The following HS3ST4 variants were observed in gnomAD, a reference collection of about 807,000 sequenced individuals.
The protein encoded by HS3ST4 is heparan sulfate-glucosamine 3-sulfotransferase 4, also known as heparan sulfate glucosamine 3-O-sulfotransferase 4.
Under a neutral mutation model 29.2 loss-of-function variants are expected in HS3ST4, and 17 were observed. The observed-to-expected ratio is 0.58, with a 90% confidence interval of 0.40 to 0.87. HS3ST4 has a LOEUF of 0.87. Among genes scored for constraint, HS3ST4 ranks in the 40% least tolerant of loss-of-function variants. HS3ST4 has a pLI of 0.00. For synonymous variants in HS3ST4, 314 were observed against 285.7 expected (o/e 1.10, Z -1.00); for missense variants, 627 against 634.5 (o/e 0.99, Z 0.13).
chr16:25,857,948 C>CTTTATTTA (rs774843830), intron 1 of HS3ST4, among the ~76,000 whole-genome samples: 3 of 57,104 alleles, frequency 5.3e-5, no homozygotes, highest in Non-Finnish European at 1.0e-4. Context: ...TTCTTTCTTT[C>CTTTATTTA]TTTCTTTCTT....
chr16:25,876,178 T>C (rs1967831044), intron 1 of HS3ST4, among the ~76,000 whole-genome samples: 1 of 152,164 alleles, frequency 6.6e-6, no homozygotes, highest in Admixed American at 6.5e-5. Flanking sequence ...CAACCTGATC[T>C]TTTTGTCTCT....
intron 1 of HS3ST4, among the ~76,000 whole-genome samples, chr16:25,990,993 C>T (rs1969108754): frequency 6.6e-6 from 1 of 152,170 alleles, no homozygotes; most frequent in African/African-American, 2.4e-5. Context: ...CAGTCCTCAA[C>T]AGAGCCCTGA....
At chr16:26,029,351 G>A (rs1187357803) in intron 1 of HS3ST4, among the ~76,000 whole-genome samples, 1 of 151,938 alleles carries the variant, frequency 6.6e-6, no homozygotes, top group Non-Finnish European at 1.5e-5. Flanking sequence ...GTCCGCTATT[G>A]CCATCTTAAA....
intron 1 of HS3ST4, among the ~76,000 whole-genome samples, chr16:26,059,760 T>C (rs1470279607): frequency 1.3e-5 from 2 of 152,100 alleles, no homozygotes; most frequent in Non-Finnish European, 2.9e-5. Context: ...AGTATTATTA[T>C]TACTATTATT....
At chr16:26,128,858 A>C (rs1899380096) in intron 1 of HS3ST4, among the ~76,000 whole-genome samples, 1 of 151,390 alleles carries the variant, frequency 6.6e-6, no homozygotes, top group South Asian at 2.1e-4. Flanking sequence ...TCTTCTGTGC[A>C]GGGGAACTGG....
At chr16:25,922,707 T>C (rs1166342896) in intron 1 of HS3ST4, among the ~76,000 whole-genome samples, 1 of 152,248 alleles carries the variant, frequency 6.6e-6, no homozygotes, top group Non-Finnish European at 1.5e-5. Context: ...ACACTAGTCT[T>C]GGGGACAGCA....
chr16:26,001,699 T>A (rs981088024), intron 1 of HS3ST4, among the ~76,000 whole-genome samples: 2 of 152,192 alleles, frequency 1.3e-5, no homozygotes, highest in African/African-American at 4.8e-5. Context: ...TTTGAGGGCA[T>A]TTTAAAGGAA....
At chr16:26,112,381 C>CTTTTTTTTT (rs386384539) in intron 1 of HS3ST4, among the ~76,000 whole-genome samples, 2 of 111,972 alleles carry the variant, frequency 1.8e-5, no homozygotes, top group African/African-American at 3.4e-5. Context: ...GCCTCTACAT[C>CTTTTTTTTT]TTTTTTTTTT....
intron 1 of HS3ST4, among the ~76,000 whole-genome samples, chr16:25,696,918 G>T (rs914427426): frequency 6.6e-6 from 1 of 152,194 alleles, no homozygotes; most frequent in Non-Finnish European, 1.5e-5. Context: ...GATATGCTGA[G>T]ATATGTAGCA....
intron 1 of HS3ST4, among the ~76,000 whole-genome samples, chr16:25,954,388 A>G (rs1425987597): frequency 6.6e-6 from 1 of 152,172 alleles, no homozygotes; most frequent in Non-Finnish European, 1.5e-5. Flanking sequence ...GCTTTACAAC[A>G]GAAGAGACAG....
chr16:25,888,196 T>C (rs989560266), intron 1 of HS3ST4, among the ~76,000 whole-genome samples: 2 of 152,164 alleles, frequency 1.3e-5, no homozygotes, highest in African/African-American at 4.8e-5. Flanking sequence ...CTGGAACGGT[T>C]AGGTCTTTCT....
chr16:26,049,740 C>A (rs941964841), intron 1 of HS3ST4, among the ~76,000 whole-genome samples: 2 of 152,146 alleles, frequency 1.3e-5, no homozygotes, highest in African/African-American at 4.8e-5. Flanking sequence ...GGCATTTTAC[C>A]TGTGCCTCTA....
intron 1 of HS3ST4, among the ~76,000 whole-genome samples, chr16:25,724,310 A>T (rs1966517147): frequency 6.6e-6 from 1 of 152,122 alleles, no homozygotes. Flanking sequence ...GGGGCGAAAC[A>T]GAAGTTTAAA....
chr16:26,112,196 T>C (rs974340182), intron 1 of HS3ST4, among the ~76,000 whole-genome samples: 2 of 151,986 alleles, frequency 1.3e-5, no homozygotes, highest in African/African-American at 2.4e-5. Flanking sequence ...TTTCAACTTT[T>C]ACCCTCTGAA....
chr16:26,058,814 G>A (rs1898442138), intron 1 of HS3ST4, among the ~76,000 whole-genome samples: 1 of 152,194 alleles, frequency 6.6e-6, no homozygotes, highest in South Asian at 2.1e-4. Flanking sequence ...CAGGCCCAGA[G>A]AGGGAAAGGG....
chr16:25,812,686 A>G lies in HS3ST4; in HGVS notation c.734+119535A>G, dbSNP rs910047950. On this transcript the variant is annotated intron_variant, in intron 1 of 1. Coordinates refer to ENST00000331351, the MANE Select transcript of HS3ST4 (RefSeq NM_006040.3). ...ATTTAATCCTCATTTCTATTCTGAG[A>G]CTCTGCAAAGTACTTCCTTTTTTTT... Among the ~76,000 whole-genome samples, 9 of 144,996 alleles carry G rather than the reference A, an allele frequency of 6.2e-5. No homozygotes were observed. The East Asian group carries it at 1.0e-3, about 16-fold the overall frequency.
At chr16:25,882,560 G>A (rs1967905000) in intron 1 of HS3ST4, among the ~76,000 whole-genome samples, 3 of 152,092 alleles carry the variant, frequency 2.0e-5, no homozygotes, top group Admixed American at 2.0e-4. Flanking sequence ...ATGTTTTAGT[G>A]TCCTTCCAGC....
chr16:26,055,541 G>A (rs1898396883), intron 1 of HS3ST4, among the ~76,000 whole-genome samples: 1 of 152,104 alleles, frequency 6.6e-6, no homozygotes, highest in Non-Finnish European at 1.5e-5. Flanking sequence ...TATGGTGGTA[G>A]CCTAGTTCTG....
At chr16:25,911,208 GAT>G (rs1012690036) in intron 1 of HS3ST4, among the ~76,000 whole-genome samples, 11 of 152,286 alleles carry the variant, frequency 7.2e-5, no homozygotes, top group African/African-American at 2.6e-4. Flanking sequence ...CATCCTGGGT[GAT>G]TCTTATGCCT....
Sources: gnomAD v4.1 joint callset for allele counts (sites outside exome capture counted in the v4.1 genomes callset) on GRCh38, gnomAD v4.1.1 for gene constraint, MANE v1.5 for transcripts, NCBI Gene and HGNC (gene_info 2026-07-23, HGNC 2026-07-21) for gene names.